RFTN2: variants seen among roughly 807,000 people sequenced by gnomAD.
The protein encoded by RFTN2 is raftlin family member 2, also known as raftlin-2.
Under a neutral mutation model 52.7 loss-of-function variants are expected in RFTN2, and 34 were observed. That is an observed-to-expected ratio of 0.64 (90% CI 0.49 to 0.86). The LOEUF is 0.86. Ranked by LOEUF, RFTN2 falls within the 40% of genes least tolerant of loss-of-function variation. The probability of loss-of-function intolerance (pLI) is 0.00; values close to 1 mark genes in which losing one functional copy is unlikely to be tolerated. For synonymous variants in RFTN2, 203 were observed against 217.7 expected (o/e 0.93, Z 0.59); for missense variants, 536 against 600.1 (o/e 0.89, Z 1.12).
rs533380556 is a variant in RFTN2, at chr2:197,672,602, A to C, written c.139+2718T>G. Among the ~76,000 whole-genome samples, 33 of 152,206 alleles carry C rather than the reference A, an allele frequency of 2.2e-4. 1 individual carries two copies. The highest frequency in any genetic ancestry group is 4.6e-4 in the Non-Finnish European group (31 of 68,034). On this transcript the variant is annotated intron_variant, in intron 1 of 8. Coordinates refer to ENST00000295049, the MANE Select transcript of RFTN2 (RefSeq NM_144629.3). ...TTACTAACTGCCAGATACCTTTCCA[A>C]GTAGATCATCTTATATTAGGTCCTT...
intron 3 of RFTN2, among the ~76,000 whole-genome samples, chr2:197,637,717 G>T (rs1251635983): frequency 1.3e-5 from 2 of 149,884 alleles, no homozygotes; most frequent in Non-Finnish European, 3.0e-5. Context: ...TTTTTGAAGG[G>T]TTTTTTGTGT....
chr2:197,618,694 C>T (rs1304571162), intron 5 of RFTN2, among the ~76,000 whole-genome samples: 1 of 150,850 alleles, frequency 6.6e-6, no homozygotes, highest in Non-Finnish European at 1.5e-5. Flanking sequence ...CGTCTCTGCC[C>T]GGCCGCCCAT....
At chr2:197,645,003 A>G (rs1372957483) in intron 2 of RFTN2, among the ~76,000 whole-genome samples, 1 of 151,704 alleles carries the variant, frequency 6.6e-6, no homozygotes, top group Non-Finnish European at 1.5e-5. Flanking sequence ...CTCTACTTTC[A>G]TTTTTCCTTC....
At chr2:197,583,489 G>A (rs1417080488) in intron 8 of RFTN2, among the ~76,000 whole-genome samples, 1 of 152,078 alleles carries the variant, frequency 6.6e-6, no homozygotes, top group Non-Finnish European at 1.5e-5. Context: ...AGTTTCTCAG[G>A]CTCTTGGTAT....
intron 1 of RFTN2, among the ~76,000 whole-genome samples, chr2:197,659,567 C>A (rs1295979330): frequency 2.0e-5 from 3 of 151,652 alleles, no homozygotes; most frequent in African/African-American, 7.3e-5. Flanking sequence ...CCTGTAATCC[C>A]AGCACTTTGA....
chr2:197,586,159 T>C (rs556512858), intron 8 of RFTN2, among the ~76,000 whole-genome samples: 1 of 152,332 alleles, frequency 6.6e-6, no homozygotes, highest in Admixed American at 6.5e-5. Flanking sequence ...TGTATTTCAC[T>C]CCAACCTTGG....
At chr2:197,590,953 G>A (rs142237421) in intron 8 of RFTN2, among the ~76,000 whole-genome samples, 134 of 152,360 alleles carry the variant, frequency 8.8e-4, no homozygotes, top group African/African-American at 3.0e-3. Context: ...GAGCCCAGCA[G>A]GTTGCCACTG....
chr2:197,646,699 A>G, intron 1 of RFTN2, 33 bp from the exon 2 acceptor site: 1 of 1,498,996 alleles, frequency 6.7e-7, no homozygotes, highest in South Asian at 1.2e-5. Context: ...AAATTTGCAT[A>G]TTCTTAAGAT....
intron 4 of RFTN2, among the ~76,000 whole-genome samples, chr2:197,631,509 TTA>T (rs2088468913): frequency 6.6e-6 from 1 of 152,194 alleles, no homozygotes; most frequent in Non-Finnish European, 1.5e-5. Flanking sequence ...TAATACACAC[TTA>T]TATAACCATA....
intron 1 of RFTN2, among the ~76,000 whole-genome samples, chr2:197,670,878 A>G (rs1307809351): frequency 5.3e-5 from 8 of 152,110 alleles, no homozygotes; most frequent in Non-Finnish European, 5.9e-5. Context: ...TCAGGCTCAA[A>G]ACTGGGAAGT....
At chr2:197,622,415 C>G (rs921193388) in intron 5 of RFTN2, among the ~76,000 whole-genome samples, 1 of 152,166 alleles carries the variant, frequency 6.6e-6, no homozygotes, top group African/African-American at 2.4e-5. Context: ...AAGCAATTCT[C>G]CTGCCTCAGC....
intron 8 of RFTN2, among the ~76,000 whole-genome samples, chr2:197,590,762 G>A (rs958964731): frequency 3.3e-5 from 5 of 152,080 alleles, no homozygotes; most frequent in Non-Finnish European, 2.9e-5. Context: ...CTCTTAACGT[G>A]GCGCGTCTGG....
At chr2:197,616,836 T>G (rs935870087) in intron 6 of RFTN2, among the ~76,000 whole-genome samples, 1 of 152,188 alleles carries the variant, frequency 6.6e-6, no homozygotes, top group African/African-American at 2.4e-5. Context: ...ACTCAATGGG[T>G]TTTCTAGTTT....
intron 7 of RFTN2, among the ~76,000 whole-genome samples, chr2:197,609,553 T>A (rs1297514424): frequency 6.6e-6 from 1 of 152,238 alleles, no homozygotes; most frequent in Non-Finnish European, 1.5e-5. Context: ...GATGGATAGA[T>A]TGCAAAAATT....
At chr2:197,631,441 GA>G (rs1207234442) in intron 4 of RFTN2, among the ~76,000 whole-genome samples, 2 of 152,112 alleles carry the variant, frequency 1.3e-5, no homozygotes, top group Non-Finnish European at 2.9e-5. Context: ...CTATTCTCCA[GA>G]AATAAGTACT....
At chr2:197,665,985 T>C (rs1051661083) in intron 1 of RFTN2, among the ~76,000 whole-genome samples, 5 of 152,216 alleles carry the variant, frequency 3.3e-5, no homozygotes, top group Non-Finnish European at 5.9e-5. Flanking sequence ...TGTTGTCCTT[T>C]CATTTTCCAG....
chr2:197,640,278 T>G (rs575138074), intron 3 of RFTN2, among the ~76,000 whole-genome samples: 1 of 151,020 alleles, frequency 6.6e-6, no homozygotes. Flanking sequence ...TGGAGCTTCC[T>G]GGCTGCTTTG....
intron 5 of RFTN2, among the ~76,000 whole-genome samples, chr2:197,619,018 GC>G (rs977454562): frequency 3.4e-4 from 52 of 151,268 alleles, no homozygotes; most frequent in Non-Finnish European, 5.2e-4. Context: ...GGGGGGGTCA[GC>G]CCCCTGCCCG....
chr2:197,606,899 A>G, intron 7 of RFTN2, among the ~76,000 whole-genome samples: 1 of 152,224 alleles, frequency 6.6e-6, no homozygotes, highest in Non-Finnish European at 1.5e-5. Flanking sequence ...AAACTAGTTC[A>G]GCCATTGTGG....
Sources: allele counts gnomAD v4.1 joint callset (sites outside exome capture counted in the v4.1 genomes callset), GRCh38; gene constraint gnomAD v4.1.1; transcripts MANE v1.5; gene names NCBI Gene and HGNC (gene_info 2026-07-23, HGNC 2026-07-21).